DLG2: variants seen among roughly 807,000 people sequenced by gnomAD.
DLG2 encodes disks large homolog 2.
Under a neutral mutation model 132.5 loss-of-function variants are expected in DLG2, and 45 were observed. The observed-to-expected ratio is 0.34, with a 90% CI of 0.27 to 0.44. DLG2 has a LOEUF of 0.44. DLG2 is among the 20% of genes least tolerant of loss of function. The probability of loss-of-function intolerance (pLI) is 1.00; values close to 1 mark genes in which losing one functional copy is unlikely to be tolerated. For missense variants in DLG2, 1,045 were observed against 1,196.9 expected (o/e 0.87, Z 1.87); for synonymous variants, 424 against 419.6 (o/e 1.01, Z -0.13).
chr11:83,709,379 A>G (rs1330552897), intron 18 of DLG2, among the ~76,000 whole-genome samples: 1 of 149,942 alleles, frequency 6.7e-6, no homozygotes, highest in Non-Finnish European at 1.5e-5. Context: ...ACATATATAT[A>G]TAACTTTAGT....
chr11:85,090,256 G>T (rs2068549310), intron 6 of DLG2, among the ~76,000 whole-genome samples: 1 of 152,166 alleles, frequency 6.6e-6, no homozygotes, highest in African/African-American at 2.4e-5. Context: ...TGGTTAGAAT[G>T]CAGTTTCCCT....
intron 7 of DLG2, among the ~76,000 whole-genome samples, chr11:84,264,627 T>G (rs574975180): frequency 6.6e-6 from 1 of 152,304 alleles, no homozygotes; most frequent in Non-Finnish European, 1.5e-5. Flanking sequence ...GGACTCTCTC[T>G]TCTGTGCTCT....
chr11:84,777,303 A>ATATATATATATT lies in DLG2; in HGVS notation c.358-242573_358-242572insAATATATATATA, dbSNP rs1470311453. ...TGTGTATATATATATATATATATATATATATATATATATATATATATACGT... is the reference window on the plus strand; with the variant it reads ...TGTGTATATATATATATATATATATATATATATATATTTATATATATATATATATATATACGT... On this transcript the variant is annotated intron_variant, in intron 6 of 27. Coordinates refer to ENST00000376104, the MANE Select transcript of DLG2 (RefSeq NM_001142699.3). 6.8e-5 allele frequency among the ~76,000 whole-genome samples: 9 copies of ATATATATATATT among 132,358 alleles called. 1 individual carries two copies. The highest frequency in any genetic ancestry group is 2.5e-4 in the African/African-American group (9 of 36,008). The allele number at this position is 132,358 out of a possible 152,430, so 86.8% of individuals were successfully genotyped here. A position where few individuals can be genotyped will look rare whatever the true frequency, so the allele number is the denominator to read the frequency against.
intron 19 of DLG2, among the ~76,000 whole-genome samples, chr11:83,609,236 A>G (rs925639097): frequency 1.3e-5 from 2 of 152,214 alleles, no homozygotes; most frequent in Non-Finnish European, 2.9e-5. Context: ...AAGCCAGGCA[A>G]TCTTTTAACC....
At chr11:84,626,492 G>A (rs2099622702) in intron 6 of DLG2, among the ~76,000 whole-genome samples, 1 of 152,162 alleles carries the variant, frequency 6.6e-6, no homozygotes, top group African/African-American at 2.4e-5. Flanking sequence ...AAAGTTGGTG[G>A]AGCCAGTCAC....
chr11:83,860,782 G>T (rs965343902), intron 16 of DLG2, among the ~76,000 whole-genome samples: 3 of 152,134 alleles, frequency 2.0e-5, no homozygotes, highest in African/African-American at 7.2e-5. Context: ...ATCTCATCTT[G>T]AATTCCCACA....
At chr11:84,551,567 T>C (rs1420029118) in intron 6 of DLG2, among the ~76,000 whole-genome samples, 1 of 152,352 alleles carries the variant, frequency 6.6e-6, no homozygotes, top group East Asian at 1.9e-4. Flanking sequence ...GTTACTGTTT[T>C]ATTTCCCTCA....
intron 6 of DLG2, among the ~76,000 whole-genome samples, chr11:85,026,911 T>C (rs2060573090): frequency 6.6e-6 from 1 of 152,180 alleles, no homozygotes; most frequent in Admixed American, 6.5e-5. Flanking sequence ...TCTTACAAAT[T>C]TGTTTTACTG....
At chr11:85,311,235 T>C (rs2080294138) in intron 3 of DLG2, among the ~76,000 whole-genome samples, 2 of 152,342 alleles carry the variant, frequency 1.3e-5, no homozygotes, top group South Asian at 4.1e-4. Context: ...GAAGCTAATT[T>C]ATCTAGCATT....
intron 6 of DLG2, among the ~76,000 whole-genome samples, chr11:84,649,271 G>T (rs2099678687): frequency 6.6e-6 from 1 of 152,150 alleles, no homozygotes; most frequent in Non-Finnish European, 1.5e-5. Context: ...CCTAGTAACA[G>T]TTTCTTTATA....
intron 6 of DLG2, among the ~76,000 whole-genome samples, chr11:84,771,429 T>C (rs1033850200): frequency 6.6e-6 from 1 of 152,278 alleles, no homozygotes; most frequent in Non-Finnish European, 1.5e-5. Flanking sequence ...GAAAAGCGTC[T>C]GTTCATATCT....
chr11:83,636,757 C>T (rs1467093931), intron 18 of DLG2, among the ~76,000 whole-genome samples: 1 of 152,052 alleles, frequency 6.6e-6, no homozygotes, highest in East Asian at 1.9e-4. Flanking sequence ...TTATTAGATA[C>T]CCAAAATGTT....
intron 6 of DLG2, among the ~76,000 whole-genome samples, chr11:84,741,114 G>A (rs910596688): frequency 2.8e-5 from 4 of 145,312 alleles, no homozygotes; most frequent in African/African-American, 1.0e-4. Context: ...TCGCCCAGGC[G>A]GGAGTGCTGT....
intron 19 of DLG2, among the ~76,000 whole-genome samples, chr11:83,561,333 A>C (rs2096606654): frequency 6.6e-6 from 1 of 152,124 alleles, no homozygotes; most frequent in South Asian, 2.1e-4. Context: ...TTGGAGGACA[A>C]AACCCACCCA....
chr11:84,265,967 C>G (rs998635563), intron 7 of DLG2, among the ~76,000 whole-genome samples: 3 of 152,046 alleles, frequency 2.0e-5, no homozygotes, highest in Admixed American at 6.6e-5. Flanking sequence ...GAACAGCTGT[C>G]TATTTTTCTG....
chr11:84,166,500 C>CAAAAAAAAAAAAAAAAAAAAAAA (rs398016937), intron 8 of DLG2, among the ~76,000 whole-genome samples: 1 of 81,012 alleles, frequency 1.2e-5, no homozygotes, highest in African/African-American at 4.8e-5. Flanking sequence ...GACTCTGCTT[C>CAAAAAAAAAAAAAAAAAAAAAAA]AAAAAAAAAA....
chr11:84,770,732 G>T (rs1173122058), intron 6 of DLG2, among the ~76,000 whole-genome samples: 2 of 150,070 alleles, frequency 1.3e-5, no homozygotes, highest in Non-Finnish European at 3.0e-5. Flanking sequence ...TGCAAGCTCT[G>T]CCTCACGGGT....
chr11:84,613,430 C>T (rs1456644397), intron 6 of DLG2, among the ~76,000 whole-genome samples: 1 of 151,928 alleles, frequency 6.6e-6, no homozygotes, highest in Admixed American at 6.6e-5. Context: ...CTCTTCTATG[C>T]CCTACCTACT....
In DLG2 at chr11:85,580,309, A is replaced by G. The variant is rs116550822; in HGVS notation, c.40+18348T>C. Among the ~76,000 whole-genome samples the G allele has an allele frequency of 5.3e-3, 802 of 152,318 alleles. 8 individuals are homozygous for G. The highest frequency in any genetic ancestry group is 0.018 in the African/African-American group (745 of 41,552). ...CAAGAACTGTGGCTTTATGTAGAAGAATGCATTCACTGCCAAATCATGGCC... is the reference window on the plus strand; with the variant it reads ...CAAGAACTGTGGCTTTATGTAGAAGGATGCATTCACTGCCAAATCATGGCC... On this transcript the variant is annotated intron_variant, in intron 3 of 27. Coordinates refer to ENST00000376104, the MANE Select transcript of DLG2 (RefSeq NM_001142699.3).
Sources: gnomAD v4.1 joint callset for allele counts (sites outside exome capture counted in the v4.1 genomes callset) on GRCh38, gnomAD v4.1.1 for gene constraint, MANE v1.5 for transcripts, NCBI Gene and HGNC (gene_info 2026-07-23, HGNC 2026-07-21) for gene names.